The following PTPN12 variants were observed in gnomAD, a reference collection of about 807,000 sequenced individuals.
PTPN12 encodes tyrosine-protein phosphatase non-receptor type 12.
Under a neutral mutation model 97.6 loss-of-function variants are expected in PTPN12, and 29 were observed. The observed-to-expected ratio is 0.30, with a 90% CI of 0.22 to 0.41. The LOEUF is 0.41. PTPN12 is among the 10% of genes least tolerant of loss of function. The pLI is 1.00. For synonymous variants in PTPN12, 327 were observed against 300.4 expected (o/e 1.09, Z -0.91); for missense variants, 819 against 926.0 (o/e 0.88, Z 1.50).
chr7:77,550,980 A>G (rs1807453919), intron 1 of PTPN12, among the ~76,000 whole-genome samples: 3 of 152,188 alleles, frequency 2.0e-5, no homozygotes, highest in East Asian at 1.9e-4. Flanking sequence ...TGGTAAAGCC[A>G]TGTTTCATCT....
chr7:77,627,931 C>T (rs181699842), intron 13 of PTPN12, among the ~76,000 whole-genome samples: 1 of 151,004 alleles, frequency 6.6e-6, no homozygotes, highest in African/African-American at 2.5e-5. Context: ...TCTTTTTCTT[C>T]TGTATTATAG....
In PTPN12 at chr7:77,625,472, GCTCTCTCTCT is replaced by G. The variant is rs775712037; in HGVS notation, c.1026-1191_1026-1182del. Among the ~76,000 whole-genome samples the G allele has an allele frequency of 8.4e-3, 283 of 33,520 alleles. 6 individuals are homozygous for G. Among genetic ancestry groups the G allele is most frequent in the Admixed American group, 0.011 (21 of 1,982 alleles). 22.0% of individuals were successfully genotyped at this position (33,520 alleles called of 152,430 possible). A position where few individuals can be genotyped will look rare whatever the true frequency, so the allele number is the denominator to read the frequency against. ...TTTTGCCATATTGCCCAGGCTGCTC[GCTCTCTCTCT>G]CTCTCTCTCTCTCTCTCTCTCTCTC... is the stretch of plus-strand genomic sequence containing the variant. On this transcript the variant is annotated intron_variant, in intron 12 of 17. Transcript: ENST00000248594.
chr7:77,635,042 A>G (rs1407341770), intron 14 of PTPN12, among the ~76,000 whole-genome samples: 2 of 151,786 alleles, frequency 1.3e-5, no homozygotes, highest in Non-Finnish European at 2.9e-5. Context: ...ATAGGGTCTC[A>G]CCATGTTGGC....
At chr7:77,577,127 C>T (rs1787368636) in intron 2 of PTPN12, among the ~76,000 whole-genome samples, 1 of 152,196 alleles carries the variant, frequency 6.6e-6, no homozygotes, top group Non-Finnish European at 1.5e-5. Flanking sequence ...TGAGTGAGAA[C>T]AGGCGGCTAC....
intron 4 of PTPN12, 75 bp downstream of exon 4, chr7:77,583,725 A>C (rs912714500): frequency 1.1e-6 from 1 of 901,152 alleles, no homozygotes; most frequent in Non-Finnish European, 1.7e-6. Flanking sequence ...CTGAATAAGG[A>C]ATGAGGGGAT....
chr7:77,577,599 A>G (rs1276005619), intron 2 of PTPN12, among the ~76,000 whole-genome samples: 1 of 152,176 alleles, frequency 6.6e-6, no homozygotes. Context: ...TATTGTGCTT[A>G]TTACATGCAA....
At chr7:77,630,931 G>A (rs1789376442) in intron 13 of PTPN12, among the ~76,000 whole-genome samples, 1 of 152,178 alleles carries the variant, frequency 6.6e-6, no homozygotes, top group Non-Finnish European at 1.5e-5. Context: ...CAAAGCAAGG[G>A]CCACGCTTAG....
intron 2 of PTPN12, among the ~76,000 whole-genome samples, chr7:77,571,448 A>G (rs1390761880): frequency 1.3e-5 from 2 of 152,226 alleles, no homozygotes; most frequent in Non-Finnish European, 2.9e-5. Flanking sequence ...AAGTGAAAAT[A>G]TCTTCTGTCA....
At chr7:77,562,805 A>T (rs1464019312) in intron 1 of PTPN12, among the ~76,000 whole-genome samples, 1 of 152,162 alleles carries the variant, frequency 6.6e-6, no homozygotes, top group African/African-American at 2.4e-5. Flanking sequence ...ACAAAATTTT[A>T]TTGTCCTCCT....
chr7:77,618,727 T>C (rs1788837177), intron 12 of PTPN12, among the ~76,000 whole-genome samples, 162 bp downstream of exon 12: 1 of 152,218 alleles, frequency 6.6e-6, no homozygotes, highest in African/African-American at 2.4e-5. Context: ...TACTGGTTTA[T>C]TAAAAATTTG....
intron 1 of PTPN12, chr7:77,563,838 G>C: frequency 3.5e-6 from 1 of 283,852 alleles, no homozygotes; most frequent in South Asian, 2.6e-5. Context: ...TGCAACTAAA[G>C]GTAGACATTG....
intron 6 of PTPN12, among the ~76,000 whole-genome samples, chr7:77,596,483 A>G (rs926344732): frequency 3.9e-5 from 6 of 152,136 alleles, no homozygotes; most frequent in South Asian, 2.1e-4. Context: ...GCAGCTCACT[A>G]TATAGCCTTG....
At position 77,637,857 on chromosome 7, in the gene PTPN12, C is replaced by CAAAAA. The variant is rs754983873; in HGVS notation, c.2174-752_2174-748dup. Among the ~76,000 whole-genome samples the CAAAAA allele has an allele frequency of 5.1e-3, 286 of 55,604 alleles. 28 individuals carry two copies. Among genetic ancestry groups the CAAAAA allele is most frequent in the African/African-American group, 0.019 (260 of 13,594 alleles). 36.5% of individuals were successfully genotyped at this position (55,604 alleles called of 152,430 possible). ...GGGCAACAAGAGGGAAACTCCGTCT[C>CAAAAA]AAAAAAAAAAAAAAAAAAACAAGTA... On this transcript the variant is annotated intron_variant, in intron 16 of 17. Transcript: ENST00000248594.
intron 1 of PTPN12, among the ~76,000 whole-genome samples, chr7:77,558,604 T>G (rs909001838): frequency 8.5e-5 from 13 of 152,214 alleles, no homozygotes; most frequent in Non-Finnish European, 1.9e-4. Context: ...GGCCTAAGAC[T>G]ACTATCCTTA....
At chr7:77,595,919 G>A (rs1788008117) in intron 6 of PTPN12, among the ~76,000 whole-genome samples, 1 of 152,168 alleles carries the variant, frequency 6.6e-6, no homozygotes, top group African/African-American at 2.4e-5. Flanking sequence ...GACCTTTAAA[G>A]TGGTTATGTT....
chr7:77,594,012 A>G (rs1038143493), intron 6 of PTPN12, among the ~76,000 whole-genome samples: 143 of 152,348 alleles, frequency 9.4e-4, no homozygotes, highest in Admixed American at 8.8e-3. Flanking sequence ...GTTGACATAA[A>G]AAAGGACAGG....
rs146623619 is a variant in PTPN12, at chr7:77,557,213, C to T, written c.100-13865C>T. ...AACCCCTGGGCTCAAGAGGTCCTCC[C>T]GCTTCCACCTCCCAGAGTACTTGGA... On this transcript the variant is annotated intron_variant, in intron 1 of 17. Transcript: ENST00000248594. Among the ~76,000 whole-genome samples the T allele has an allele frequency of 2.9e-3, 447 of 152,222 alleles. 2 individuals are homozygous for T. Among genetic ancestry groups the T allele is most frequent in the African/African-American group, 0.01 (432 of 41,530 alleles).
intron 1 of PTPN12, among the ~76,000 whole-genome samples, chr7:77,551,558 T>C (rs1807480446): frequency 6.6e-6 from 1 of 152,348 alleles, no homozygotes; most frequent in African/African-American, 2.4e-5. Context: ...TGAATTTTTT[T>C]CTCAAAAATC....
At chr7:77,571,501 C>A (rs1297036266) in intron 2 of PTPN12, among the ~76,000 whole-genome samples, 5 of 152,090 alleles carry the variant, frequency 3.3e-5, no homozygotes, top group Non-Finnish European at 7.4e-5. Flanking sequence ...TAATAGACAA[C>A]TGAATACATT....
Sources: allele counts gnomAD v4.1 joint callset (sites outside exome capture counted in the v4.1 genomes callset), GRCh38; gene constraint gnomAD v4.1.1; transcripts MANE v1.5; gene names NCBI Gene and HGNC (gene_info 2026-07-23, HGNC 2026-07-21).